Variants in PRKG1 observed in about 807,000 individuals in gnomAD.
The protein encoded by PRKG1 is cGMP-dependent protein kinase 1.
PRKG1 carries 35 observed loss-of-function variants against 88.1 expected under a neutral mutation model. The ratio of observed to expected loss-of-function variants is 0.40; its 90% CI spans 0.30 to 0.53. The LOEUF (loss-of-function observed/expected upper bound fraction) is 0.53, where lower values mean the gene tolerates loss of function less well. Ranked by LOEUF, PRKG1 falls within the 20% of genes least tolerant of loss-of-function variation. PRKG1 has a pLI of 0.59. For synonymous variants in PRKG1, 303 were observed against 292.5 expected, an observed-to-expected ratio of 1.04 and a Z score of -0.37; for missense variants, 540 against 839.8, an observed-to-expected ratio of 0.64 and a Z score of 4.41.
chr10:51,085,101 C>A (rs1844214304), intron 1 of PRKG1, among the ~76,000 whole-genome samples: 1 of 152,168 alleles, frequency 6.6e-6, no homozygotes, highest in African/African-American at 2.4e-5. Context: ...CTAAGTTTTG[C>A]TCCTCTGGAG....
At chr10:51,877,448 A>G (rs1841326808) in intron 4 of PRKG1, among the ~76,000 whole-genome samples, 2 of 152,176 alleles carry the variant, frequency 1.3e-5, no homozygotes, top group South Asian at 4.1e-4. Flanking sequence ...TATCAGTGCA[A>G]ACAGGTACAA....
chr10:51,451,316 T>C (rs1839433309), intron 2 of PRKG1, among the ~76,000 whole-genome samples: 1 of 151,846 alleles, frequency 6.6e-6, no homozygotes, highest in South Asian at 2.1e-4. Flanking sequence ...CATAATACTC[T>C]TAAACTAACG....
At chr10:51,401,039 T>G (rs1837724429) in intron 2 of PRKG1, among the ~76,000 whole-genome samples, 1 of 152,230 alleles carries the variant, frequency 6.6e-6, no homozygotes, top group African/African-American at 2.4e-5. Context: ...AAAACAGTGC[T>G]GCCAAATACA....
chr10:52,190,094 C>A (rs1390659431), intron 9 of PRKG1, among the ~76,000 whole-genome samples: 1 of 152,074 alleles, frequency 6.6e-6, no homozygotes, highest in East Asian at 1.9e-4. Flanking sequence ...CTCAAATAGT[C>A]CAAATTAGTT....
intron 2 of PRKG1, among the ~76,000 whole-genome samples, chr10:51,462,551 G>A (rs1487532438): frequency 1.3e-5 from 2 of 152,112 alleles, no homozygotes; most frequent in Non-Finnish European, 2.9e-5. Context: ...GTGTATAGTG[G>A]TGCCAAAAAC....
Position 52,293,507 on chromosome 10 carries a change from T to C in PRKG1, c.1963-295T>C, listed in dbSNP as rs576649680. Among the ~76,000 whole-genome samples, 53 of 152,278 alleles carry C rather than the reference T, an allele frequency of 3.5e-4. No individual in the cohort carries two copies. The South Asian group carries it at 0.01, about 30-fold the overall frequency. On this transcript the variant is annotated intron_variant, in intron 17 of 17. Coordinates refer to ENST00000373980, the MANE Select transcript of PRKG1 (RefSeq NM_006258.4). ...GAGGCATCACGCTACATGATCACTC[T>C]TATACTTTCATGGCATCTTTGTTTC...
rs149234369 is a variant in PRKG1, at chr10:51,130,367, A to G, written c.312-22797A>G. ...TGAGAATCCCTGCCTAAGTGCCTCC[A>G]TATGTCTCTGTAGCCTACACAATAA... On this transcript the variant is annotated intron_variant, in intron 1 of 17. Transcript: ENST00000373980. Among the ~76,000 whole-genome samples, 316 of 152,168 alleles carry G rather than the reference A, an allele frequency of 2.1e-3. 2 individuals are homozygous for G. Among genetic ancestry groups the G allele is most frequent in the African/African-American group, 7.3e-3 (305 of 41,518 alleles).
At chr10:51,859,371 A>G (rs985369635) in intron 4 of PRKG1, among the ~76,000 whole-genome samples, 1 of 148,928 alleles carries the variant, frequency 6.7e-6, no homozygotes, top group Non-Finnish European at 1.5e-5. Context: ...TTTTTTCTTC[A>G]TGTGAAGAGA....
intron 2 of PRKG1, among the ~76,000 whole-genome samples, chr10:51,158,942 A>G (rs1846289317): frequency 6.6e-6 from 1 of 151,036 alleles, no homozygotes; most frequent in Non-Finnish European, 1.5e-5. Flanking sequence ...GACTAGACTC[A>G]TTTCTGTTGT....
At chr10:51,508,644 A>T (rs1195028329) in intron 3 of PRKG1, among the ~76,000 whole-genome samples, 1 of 152,154 alleles carries the variant, frequency 6.6e-6, no homozygotes, top group Non-Finnish European at 1.5e-5. Flanking sequence ...TTCTCATAAT[A>T]GATCTTTCTC....
At chr10:51,338,361 T>A (rs1841926797) in intron 2 of PRKG1, among the ~76,000 whole-genome samples, 1 of 152,088 alleles carries the variant, frequency 6.6e-6, no homozygotes, top group South Asian at 2.1e-4. Flanking sequence ...TGGCACACAT[T>A]TACCTACGTA....
At position 51,078,648 on chromosome 10, in the gene PRKG1, G is replaced by A. The variant is rs578196213; in HGVS notation, c.311+3747G>A. On this transcript the variant is annotated intron_variant, in intron 1 of 17. Coordinates refer to ENST00000373980, the MANE Select transcript of PRKG1 (RefSeq NM_006258.4). Reference sequence around the variant, plus strand: ...TATTTATTTATTGAGACGGAGTCTCGCTCTATCGCCCAGGCTGGAGTGCAG... The same window carrying A: ...TATTTATTTATTGAGACGGAGTCTCACTCTATCGCCCAGGCTGGAGTGCAG... 2.4e-4 allele frequency among the ~76,000 whole-genome samples: 35 copies of A among 147,668 alleles called. No homozygotes were observed. The East Asian group carries it at 3.8e-3, about 16-fold the overall frequency.
intron 5 of PRKG1, among the ~76,000 whole-genome samples, chr10:51,930,235 G>A (rs554633594): frequency 3.3e-5 from 5 of 152,300 alleles, no homozygotes; most frequent in Non-Finnish European, 7.4e-5. Context: ...GGAGTGGGGG[G>A]AGGAAAATGA....
intron 1 of PRKG1, among the ~76,000 whole-genome samples, chr10:51,061,509 GT>G (rs1204276164): frequency 4.6e-5 from 7 of 152,116 alleles, no homozygotes; most frequent in Non-Finnish European, 8.8e-5. Context: ...TGGCATGATA[GT>G]TTTTATCAGT....
intron 3 of PRKG1, among the ~76,000 whole-genome samples, chr10:51,499,114 G>A (rs534832379): frequency 2.6e-5 from 4 of 152,152 alleles, no homozygotes; most frequent in Admixed American, 6.6e-5. Context: ...TTTGGTTCCT[G>A]TAAGTCAAAC....
At chr10:51,238,601 A>G (rs1015117070) in intron 2 of PRKG1, among the ~76,000 whole-genome samples, 1 of 150,780 alleles carries the variant, frequency 6.6e-6, no homozygotes, top group Non-Finnish European at 1.5e-5. Context: ...TAAAAAAATA[A>G]AAAAAGTCAA....
intron 4 of PRKG1, among the ~76,000 whole-genome samples, chr10:51,823,712 T>C (rs1347001743): frequency 6.6e-6 from 1 of 152,024 alleles, no homozygotes; most frequent in Non-Finnish European, 1.5e-5. Context: ...CCTAATTCTG[T>C]CTTGAAAGAG....
chr10:51,154,881 G>T lies in PRKG1; in HGVS notation c.478+1551G>T, dbSNP rs1846167993. On this transcript the variant is annotated intron_variant, in intron 2 of 17. Transcript: ENST00000373980. Reference sequence around the variant, plus strand: ...CAAGGCTATATGTGGATAGTGAGCAGAAAGGATGGAAAAGTGGCAAAAATA... The same window carrying T: ...CAAGGCTATATGTGGATAGTGAGCATAAAGGATGGAAAAGTGGCAAAAATA... Among the ~76,000 whole-genome samples, 3 of 152,056 alleles carry T rather than the reference G, an allele frequency of 2.0e-5. No homozygotes were observed. In the South Asian group the frequency reaches 6.2e-4, roughly 32 times the overall value.
chr10:52,247,158 A>G (rs1841046005), intron 9 of PRKG1, among the ~76,000 whole-genome samples: 1 of 152,160 alleles, frequency 6.6e-6, no homozygotes, highest in African/African-American at 2.4e-5. Flanking sequence ...CTTTTGCCCT[A>G]TACTAAAATA....
Sources: gnomAD v4.1 joint callset for allele counts (sites outside exome capture counted in the v4.1 genomes callset) on GRCh38, gnomAD v4.1.1 for gene constraint, MANE v1.5 for transcripts, NCBI Gene and HGNC (gene_info 2026-07-23, HGNC 2026-07-21) for gene names.